TUSC3: variants seen among roughly 807,000 people sequenced by gnomAD.
TUSC3 encodes tumor suppressor candidate 3.
TUSC3 carries 45 observed loss-of-function variants against 44.8 expected under a neutral mutation model. The ratio of observed to expected loss-of-function variants is 1.00; its 90% CI spans 0.79 to 1.29. TUSC3 has a LOEUF of 1.29. Among genes scored for constraint, TUSC3 ranks in the 50% most tolerant of loss-of-function variants. The pLI is 0.00. For synonymous variants in TUSC3, 212 were observed against 152.9 expected (o/e 1.39, Z -2.85); for missense variants, 519 against 437.9 (o/e 1.19, Z -1.65).
At chr8:15,531,057 C>A (rs7813286) in intron 2 of TUSC3, among the ~76,000 whole-genome samples, 33,185 of 152,036 alleles carry the variant, frequency 0.22, 3,799 homozygotes, top group South Asian at 0.35. Context: ...ACTGTGTGTG[C>A]TCACCTGCTA....
At chr8:15,482,320 T>A (rs937109777) in intron 1 of TUSC3, among the ~76,000 whole-genome samples, 3 of 152,228 alleles carry the variant, frequency 2.0e-5, no homozygotes, top group Non-Finnish European at 4.4e-5. Context: ...CTCCTGTTAA[T>A]ACTATTGTGA....
intron 2 of TUSC3, among the ~76,000 whole-genome samples, chr8:15,487,127 T>C (rs1231155559): frequency 1.3e-5 from 2 of 152,198 alleles, no homozygotes; most frequent in Non-Finnish European, 2.9e-5. Flanking sequence ...TTGAGGAATA[T>C]TTTCCTGTTT....
In TUSC3 at chr8:15,623,072, A is replaced by C. The variant is rs1805323705; in HGVS notation, c.139-8A>C. Reference sequence around the variant, plus strand: ...TTTGTAAATGTTAATTTCTGTGTTTAATTGCAGAATCTTTTAGCTGAAAAA... The same window carrying C: ...TTTGTAAATGTTAATTTCTGTGTTTCATTGCAGAATCTTTTAGCTGAAAAA... On this transcript the variant is annotated splice_polypyrimidine_tract_variant and splice_region_variant and intron_variant, in intron 1 of 10. Transcript: ENST00000503731. The C allele has an allele frequency of 6.2e-7, 1 of 1,613,342 alleles. No individual in the cohort carries two copies. Among genetic ancestry groups the C allele is most frequent in the Non-Finnish European group, 8.5e-7 (1 of 1,179,586 alleles).
chr8:15,514,835 CTGAT>C (rs1321709792), intron 2 of TUSC3, among the ~76,000 whole-genome samples: 1 of 152,142 alleles, frequency 6.6e-6, no homozygotes, highest in African/African-American at 2.4e-5. Flanking sequence ...ACTCGCTAGG[CTGAT>C]TGATTTCAAC....
At chr8:15,826,385 G>A in the TUSC3 span, among the ~76,000 whole-genome samples, 1 of 152,114 alleles carries the variant, frequency 6.6e-6, no homozygotes. Flanking sequence ...GCTTTCAATA[G>A]CTTTAATTGC....
At chr8:15,518,201 T>G (rs1801248182) in intron 2 of TUSC3, among the ~76,000 whole-genome samples, 1 of 152,190 alleles carries the variant, frequency 6.6e-6, no homozygotes, top group Non-Finnish European at 1.5e-5. Flanking sequence ...CTTTCTAGTT[T>G]TATGATTAGC....
At position 15,650,405 on chromosome 8, in the gene TUSC3, G is replaced by A. The variant is rs148203375; in HGVS notation, c.309-292G>A. 4.9e-3 allele frequency among the ~76,000 whole-genome samples: 742 copies of A among 152,234 alleles called. 6 individuals carry two copies. Among genetic ancestry groups the A allele is most frequent in the African/African-American group, 0.017 (705 of 41,536 alleles). ...AGGGCTAGGCTTTGTGATACATGTA[G>A]TTGCTGTCTTGTTGTTACAACTTTG... On this transcript the variant is annotated intron_variant, in intron 2 of 10. Coordinates refer to ENST00000503731, the MANE Select transcript of TUSC3 (RefSeq NM_006765.4).
At chr8:15,662,718 T>G (rs1039095068) in intron 5 of TUSC3, among the ~76,000 whole-genome samples, 18 of 151,884 alleles carry the variant, frequency 1.2e-4, no homozygotes, top group African/African-American at 3.9e-4. Context: ...CGATATAAAG[T>G]TAAGAAATAC....
At chr8:15,497,049 T>A (rs182630419) in intron 2 of TUSC3, among the ~76,000 whole-genome samples, 15 of 152,148 alleles carry the variant, frequency 9.9e-5, no homozygotes, top group South Asian at 8.3e-4. Flanking sequence ...GAAATAAACA[T>A]AGTAAATAAG....
intron 1 of TUSC3, among the ~76,000 whole-genome samples, chr8:15,442,239 C>G (rs956233854): frequency 1.3e-5 from 2 of 151,918 alleles, no homozygotes; most frequent in East Asian, 3.9e-4. Flanking sequence ...ACTATTCATA[C>G]CAATCATGTA....
chr8:15,613,612 C>T (rs958382297), intron 1 of TUSC3, among the ~76,000 whole-genome samples: 3 of 152,120 alleles, frequency 2.0e-5, no homozygotes, highest in Non-Finnish European at 4.4e-5. Context: ...GCCTCCCCAG[C>T]CATGTGGAAC....
At chr8:15,556,971 G>A (rs1354049268) in intron 1 of TUSC3, among the ~76,000 whole-genome samples, 3 of 149,456 alleles carry the variant, frequency 2.0e-5, no homozygotes, top group African/African-American at 7.4e-5. Flanking sequence ...ACACTCTGAT[G>A]GTAATTTCTT....
At chr8:15,633,529 TCAGG>T in intron 2 of TUSC3, among the ~76,000 whole-genome samples, 1 of 152,340 alleles carries the variant, frequency 6.6e-6, no homozygotes, top group East Asian at 1.9e-4. Flanking sequence ...GAGGTGATAC[TCAGG>T]CAGGGCAGGC....
chr8:15,670,889 T>G (rs567368452), intron 5 of TUSC3, among the ~76,000 whole-genome samples: 1 of 151,916 alleles, frequency 6.6e-6, no homozygotes, highest in Non-Finnish European at 1.5e-5. Flanking sequence ...TGCTGGGTAC[T>G]TCACAAAAAT....
At chr8:15,694,854 A>C (rs1184474913) in intron 6 of TUSC3, among the ~76,000 whole-genome samples, 2 of 152,118 alleles carry the variant, frequency 1.3e-5, no homozygotes, top group Admixed American at 1.3e-4. Flanking sequence ...GTGTCAGCCA[A>C]AATGCTTCAT....
At chr8:15,654,270 G>A (rs1807051219) in intron 3 of TUSC3, among the ~76,000 whole-genome samples, 1 of 152,082 alleles carries the variant, frequency 6.6e-6, no homozygotes. Flanking sequence ...ATATCCATGA[G>A]AGAAACAAAC....
the TUSC3 span, among the ~76,000 whole-genome samples, chr8:15,839,226 T>C: frequency 6.6e-6 from 1 of 152,226 alleles, no homozygotes; most frequent in Non-Finnish European, 1.5e-5. Flanking sequence ...GAGACTTTGG[T>C]GAAGTTCCTT....
chr8:15,620,172 A>C (rs1319244434), intron 1 of TUSC3, among the ~76,000 whole-genome samples: 1 of 151,516 alleles, frequency 6.6e-6, no homozygotes, highest in African/African-American at 2.4e-5. Context: ...AAGAATGAAT[A>C]CTCTAATCTG....
At chr8:15,488,268 A>T (rs1318072426) in intron 2 of TUSC3, among the ~76,000 whole-genome samples, 1 of 151,814 alleles carries the variant, frequency 6.6e-6, no homozygotes, top group Non-Finnish European at 1.5e-5. Flanking sequence ...CAATTTGGGA[A>T]TCCAAATTGC....
Sources: allele counts gnomAD v4.1 joint callset (sites outside exome capture counted in the v4.1 genomes callset), GRCh38; gene constraint gnomAD v4.1.1; transcripts MANE v1.5; gene names NCBI Gene and HGNC (gene_info 2026-07-23, HGNC 2026-07-21).